Variants in TENM4 observed in about 807,000 individuals in gnomAD.
TENM4 encodes teneurin transmembrane protein 4, also known as teneurin-4.
Under a neutral mutation model 243.3 loss-of-function variants are expected in TENM4, and 82 were observed. The ratio of observed to expected loss-of-function variants is 0.34; its 90% CI spans 0.28 to 0.40. The LOEUF (loss-of-function observed/expected upper bound fraction) is 0.40, where lower values mean the gene tolerates loss of function less well. Among genes scored for constraint, TENM4 ranks in the 10% least tolerant of loss-of-function variants. The pLI is 1.00. For synonymous variants in TENM4, 1,412 were observed against 1,456.3 expected, an observed-to-expected ratio of 0.97 and a Z score of 0.69; for missense variants, 3,138 against 3,673.3, an observed-to-expected ratio of 0.85 and a Z score of 3.77.
At chr11:79,036,059 C>T (rs77509303) in intron 6 of TENM4, among the ~76,000 whole-genome samples, 2,506 of 152,230 alleles carry the variant, frequency 0.016, 60 homozygotes, top group African/African-American at 0.056. Flanking sequence ...CCTGAGATAA[C>T]TTTCTTCAAA....
In TENM4 at chr11:79,432,988, T is replaced by C. The variant is rs577847970; in HGVS notation, c.-321+7521A>G. On this transcript the variant is annotated intron_variant, in intron 1 of 33. Transcript: ENST00000278550. The stretch of plus-strand genomic sequence containing the variant: ...TTCTTGCCTCATTTTCCATCTCCTA[T>C]AGGATCACAGGATGAGAGGACTGAT... Among the ~76,000 whole-genome samples, 93 of 152,300 alleles carry C rather than the reference T, an allele frequency of 6.1e-4. 3 individuals carry two copies. The South Asian group carries it at 0.019, about 31-fold the overall frequency.
At chr11:79,324,490 G>T (rs1439494995) in intron 1 of TENM4, among the ~76,000 whole-genome samples, 1 of 152,128 alleles carries the variant, frequency 6.6e-6, no homozygotes, top group Non-Finnish European at 1.5e-5. Context: ...TGCACAAAAT[G>T]CTGAGATTAC....
intron 16 of TENM4, among the ~76,000 whole-genome samples, chr11:78,786,102 C>T (rs1856930601): frequency 6.6e-6 from 1 of 152,172 alleles, no homozygotes; most frequent in East Asian, 1.9e-4. Context: ...ATAAACCAAG[C>T]AAAACGTCTG....
chr11:78,954,946 G>T (rs938432344), intron 6 of TENM4, among the ~76,000 whole-genome samples: 1 of 152,226 alleles, frequency 6.6e-6, no homozygotes, highest in African/African-American at 2.4e-5. Context: ...GCAGGCTAGA[G>T]GCAGAACTGG....
At chr11:79,227,673 A>G (rs493791) in intron 2 of TENM4, among the ~76,000 whole-genome samples, 127,292 of 152,120 alleles carry the variant, frequency 0.84, 53,396 homozygotes, top group East Asian at 0.99. Context: ...CCGTAGGTCC[A>G]GTCAGCTTGC....
At chr11:78,991,537 A>G (rs896619407) in intron 6 of TENM4, among the ~76,000 whole-genome samples, 6 of 152,166 alleles carry the variant, frequency 3.9e-5, no homozygotes, top group African/African-American at 1.4e-4. Context: ...TATTCTCCCT[A>G]TTTTACAGGT....
intron 4 of TENM4, among the ~76,000 whole-genome samples, chr11:79,145,686 A>G (rs1033933949): frequency 1.3e-5 from 2 of 152,092 alleles, no homozygotes; most frequent in Non-Finnish European, 2.9e-5. Context: ...GTATATGTTC[A>G]GCTTTAGCTG....
chr11:79,251,188 T>G (rs761245747), intron 2 of TENM4, among the ~76,000 whole-genome samples: 5 of 152,186 alleles, frequency 3.3e-5, no homozygotes, highest in Non-Finnish European at 7.3e-5. Context: ...CTCTGGGCCA[T>G]GTGAGGCAGA....
At chr11:78,808,033 T>C (rs1231671581) in intron 14 of TENM4, among the ~76,000 whole-genome samples, 1 of 152,220 alleles carries the variant, frequency 6.6e-6, no homozygotes, top group African/African-American at 2.4e-5. Flanking sequence ...GTAGCATAGC[T>C]TGGGGTAAAC....
intron 1 of TENM4, among the ~76,000 whole-genome samples, chr11:79,439,995 G>A (rs1222555070): frequency 6.6e-6 from 1 of 151,944 alleles, no homozygotes; most frequent in East Asian, 2.0e-4. Context: ...TCCAGGATCT[G>A]AGCTCCAACC....
intron 10 of TENM4, among the ~76,000 whole-genome samples, chr11:78,861,234 C>T (rs1458248690): frequency 6.6e-6 from 1 of 152,350 alleles, no homozygotes; most frequent in Non-Finnish European, 1.5e-5. Context: ...GAAGAGCCAT[C>T]TGGTTACTTA....
intron 9 of TENM4, among the ~76,000 whole-genome samples, chr11:78,875,394 G>A (rs1392672329): frequency 6.6e-6 from 1 of 152,118 alleles, no homozygotes; most frequent in African/African-American, 2.4e-5. Context: ...AGTAGAGACA[G>A]GGTTCCAACA....
intron 12 of TENM4, among the ~76,000 whole-genome samples, chr11:78,844,806 CA>C (rs908699702): frequency 6.6e-6 from 1 of 152,178 alleles, no homozygotes; most frequent in Non-Finnish European, 1.5e-5. Context: ...CTTGGATGTG[CA>C]GTGTTCAGAA....
intron 21 of TENM4, 49 bp downstream of exon 21, chr11:78,732,267 C>A (rs752982512): frequency 1.0e-5 from 16 of 1,544,798 alleles, no homozygotes; most frequent in East Asian, 2.3e-5. Flanking sequence ...TCCTCCACCC[C>A]CAAAATGAAA....
intron 6 of TENM4, among the ~76,000 whole-genome samples, chr11:79,058,257 T>C (rs937175513): frequency 3.3e-5 from 5 of 151,608 alleles, no homozygotes; most frequent in Non-Finnish European, 7.4e-5. Flanking sequence ...TCAAGAAGGA[T>C]AATGGGCCAG....
At chr11:79,213,686 G>A (rs1366896842) in intron 3 of TENM4, among the ~76,000 whole-genome samples, 1 of 152,216 alleles carries the variant, frequency 6.6e-6, no homozygotes, top group African/African-American at 2.4e-5. Flanking sequence ...CCCCCGGTGA[G>A]AGAGGGGTTG....
chr11:79,090,049 A>T (rs1441286447), intron 4 of TENM4, among the ~76,000 whole-genome samples: 2 of 152,244 alleles, frequency 1.3e-5, no homozygotes, highest in East Asian at 3.8e-4. Context: ...GCTGTGAAGC[A>T]CTATACAAAT....
At chr11:78,957,753 C>T (rs1857237999) in intron 6 of TENM4, among the ~76,000 whole-genome samples, 2 of 152,190 alleles carry the variant, frequency 1.3e-5, no homozygotes, top group Admixed American at 1.3e-4. Context: ...CAAAGTTTGG[C>T]TCTGAGGAAG....
At chr11:79,216,307 G>A (rs527823345) in intron 2 of TENM4, among the ~76,000 whole-genome samples, 3 of 152,320 alleles carry the variant, frequency 2.0e-5, no homozygotes, top group East Asian at 3.9e-4. Flanking sequence ...TAGGAACTGC[G>A]TGTTATTTGC....
Sources: allele counts gnomAD v4.1 joint callset (sites outside exome capture counted in the v4.1 genomes callset), GRCh38; gene constraint gnomAD v4.1.1; transcripts MANE v1.5; gene names NCBI Gene and HGNC (gene_info 2026-07-23, HGNC 2026-07-21).